The following CTNNA2 variants were observed in gnomAD, a reference collection of about 807,000 sequenced individuals.
The protein encoded by CTNNA2 is catenin alpha 2.
In CTNNA2, 42 loss-of-function variants were observed where a neutral mutation model predicts 101.0. That is an observed-to-expected ratio of 0.42 (90% confidence interval 0.32 to 0.54). CTNNA2 has a LOEUF of 0.54. Ranked by LOEUF, CTNNA2 falls within the 20% of genes least tolerant of loss-of-function variation. The probability of loss-of-function intolerance (pLI) is 0.14; values close to 1 mark genes in which losing one functional copy is unlikely to be tolerated. For missense variants in CTNNA2, 871 were observed against 1,223.1 expected (o/e 0.71, Z 4.29); for synonymous variants, 450 against 456.4 (o/e 0.99, Z 0.18).
intron 6 of CTNNA2, among the ~76,000 whole-genome samples, chr2:79,907,176 T>C (rs572055210): frequency 7.9e-5 from 12 of 152,340 alleles, no homozygotes; most frequent in South Asian, 2.1e-4. Flanking sequence ...GCAGAACATA[T>C]GGTTTTCATT....
At chr2:79,578,784 T>G (rs1013201276) in intron 1 of CTNNA2, among the ~76,000 whole-genome samples, 5 of 152,150 alleles carry the variant, frequency 3.3e-5, no homozygotes, top group African/African-American at 9.7e-5. Context: ...TGCTATAGCT[T>G]TATATTTAAC....
intron 1 of CTNNA2, among the ~76,000 whole-genome samples, chr2:79,605,485 G>T (rs564137108): frequency 2.6e-5 from 4 of 151,246 alleles, no homozygotes; most frequent in African/African-American, 7.3e-5. Context: ...AAATTCCACC[G>T]AAGAATATAT....
chr2:80,376,973 C>T (rs1041521920), intron 7 of CTNNA2, among the ~76,000 whole-genome samples: 2 of 152,204 alleles, frequency 1.3e-5, no homozygotes, highest in Non-Finnish European at 2.9e-5. Flanking sequence ...AATCAGTCCC[C>T]AGCATTTGCT....
At chr2:80,583,521 A>G (rs1695717779) in intron 14 of CTNNA2, among the ~76,000 whole-genome samples, 1 of 152,222 alleles carries the variant, frequency 6.6e-6, no homozygotes, top group Non-Finnish European at 1.5e-5. Context: ...ACAAAGGGCA[A>G]TTTTGAGTAA....
chr2:79,275,845 T>A (rs1675198107), intron 2 of CTNNA2, among the ~76,000 whole-genome samples: 1 of 151,942 alleles, frequency 6.6e-6, no homozygotes, highest in African/African-American at 2.4e-5. Context: ...AGATAATTTA[T>A]ATTCAGAGGG....
intron 6 of CTNNA2, among the ~76,000 whole-genome samples, chr2:79,908,522 A>G (rs993949545): frequency 1.3e-5 from 2 of 152,188 alleles, no homozygotes; most frequent in Admixed American, 6.5e-5. Context: ...TGCTTCAGGC[A>G]GAAAAGGCTC....
chr2:79,412,115 C>T (rs1365854482), intron 4 of CTNNA2, among the ~76,000 whole-genome samples: 1 of 152,010 alleles, frequency 6.6e-6, no homozygotes, highest in Non-Finnish European at 1.5e-5. Flanking sequence ...ATAAAACAGA[C>T]TTTAAACCAA....
chr2:80,595,551 G>A (rs777128351), intron 15 of CTNNA2, among the ~76,000 whole-genome samples: 1 of 152,152 alleles, frequency 6.6e-6, no homozygotes, highest in East Asian at 1.9e-4. Flanking sequence ...TTTGATCCTG[G>A]TCTTAGAGGT....
At chr2:79,377,866 C>T (rs974271013) in intron 4 of CTNNA2, among the ~76,000 whole-genome samples, 2 of 152,136 alleles carry the variant, frequency 1.3e-5, no homozygotes, top group African/African-American at 2.4e-5. Flanking sequence ...GCTGCTTGTT[C>T]TGCCATGAGT....
chr2:80,097,871 A>G (rs949148784), intron 7 of CTNNA2, among the ~76,000 whole-genome samples: 3 of 151,952 alleles, frequency 2.0e-5, no homozygotes, highest in Non-Finnish European at 2.9e-5. Flanking sequence ...TCCTTTAAGT[A>G]CTTCTCTGCA....
chr2:79,704,440 A>G (rs1685211860), intron 2 of CTNNA2, among the ~76,000 whole-genome samples: 1 of 151,942 alleles, frequency 6.6e-6, no homozygotes, highest in Admixed American at 6.6e-5. Flanking sequence ...CTCAATGTTT[A>G]ACGGTAAATA....
At chr2:79,898,784 C>T (rs1436951332) in intron 6 of CTNNA2, among the ~76,000 whole-genome samples, 1 of 152,068 alleles carries the variant, frequency 6.6e-6, no homozygotes, top group East Asian at 1.9e-4. Context: ...CAGATCATGT[C>T]CAGTGTACAG....
At chr2:80,426,606 A>G (rs916875323) in intron 9 of CTNNA2, among the ~76,000 whole-genome samples, 2 of 152,048 alleles carry the variant, frequency 1.3e-5, no homozygotes, top group Non-Finnish European at 2.9e-5. Flanking sequence ...AAAATCATAT[A>G]ATTTCCCTGC....
At chr2:79,301,879 T>C (rs1175659569) in intron 2 of CTNNA2, among the ~76,000 whole-genome samples, 1 of 151,862 alleles carries the variant, frequency 6.6e-6, no homozygotes, top group Non-Finnish European at 1.5e-5. Flanking sequence ...ATATTTGAGT[T>C]TAGGAGTTCG....
At chr2:80,523,863 G>C (rs1689792599) in intron 9 of CTNNA2, among the ~76,000 whole-genome samples, 1 of 152,180 alleles carries the variant, frequency 6.6e-6, no homozygotes, top group South Asian at 2.1e-4. Flanking sequence ...TAAGATTTCA[G>C]AGTAAGGGAA....
chr2:80,589,901 TGTGTGC>T (rs1354838764), intron 15 of CTNNA2, among the ~76,000 whole-genome samples: 37 of 140,468 alleles, frequency 2.6e-4, no homozygotes, highest in Non-Finnish European at 4.7e-4. Context: ...TGTGTGTGTG[TGTGTGC>T]GCGCGCGCGC....
chr2:79,552,818 C>A (rs757925155), intron 1 of CTNNA2, among the ~76,000 whole-genome samples: 42 of 152,160 alleles, frequency 2.8e-4, no homozygotes, highest in African/African-American at 1.0e-3. Context: ...TTTGAGGCTG[C>A]GTAGAGCAGT....
At chr2:79,461,459 T>C (rs998583230) in intron 4 of CTNNA2, among the ~76,000 whole-genome samples, 12 of 152,130 alleles carry the variant, frequency 7.9e-5, no homozygotes, top group Admixed American at 2.6e-4. Flanking sequence ...TTTGAGTGCA[T>C]AGCACGAGGA....
intron 9 of CTNNA2, among the ~76,000 whole-genome samples, chr2:80,520,038 C>A (rs1689409562): frequency 6.6e-6 from 1 of 152,144 alleles, no homozygotes; most frequent in Non-Finnish European, 1.5e-5. Context: ...TCTTTCCTTT[C>A]ACCCCACAGA....
Sources: gnomAD v4.1 joint callset for allele counts (sites outside exome capture counted in the v4.1 genomes callset) on GRCh38, gnomAD v4.1.1 for gene constraint, MANE v1.5 for transcripts, NCBI Gene and HGNC (gene_info 2026-07-23, HGNC 2026-07-21) for gene names.